Variants in MRC1 observed in about 807,000 individuals in gnomAD.
MRC1 encodes the protein mannose receptor C-type 1.
In MRC1, 62 loss-of-function variants were observed where a neutral mutation model predicts 102.9. That is an observed-to-expected ratio of 0.60 (90% CI 0.49 to 0.74). The LOEUF is 0.74. Ranked by LOEUF, MRC1 falls within the 30% of genes least tolerant of loss-of-function variation. The pLI, the probability that MRC1 is intolerant of heterozygous loss-of-function variation, is 0.00. For synonymous variants in MRC1, 457 were observed against 298.4 expected (o/e 1.53, Z -5.48); for missense variants, 1,237 against 862.8 (o/e 1.43, Z -5.43).
intron 22 of MRC1, among the ~76,000 whole-genome samples, chr10:17,886,177 G>A (rs1246901596): frequency 2.0e-5 from 3 of 152,146 alleles, no homozygotes; most frequent in Admixed American, 1.3e-4. Flanking sequence ...GTGGGATGGG[G>A]TGATTTAATC....
At chr10:17,810,864 C>T (rs1236998246) in intron 1 of MRC1, among the ~76,000 whole-genome samples, 1 of 152,214 alleles carries the variant, frequency 6.6e-6, no homozygotes, top group Non-Finnish European at 1.5e-5. Flanking sequence ...ATGATCTTGG[C>T]TCACTGCAAC....
rs781931651 is a variant in MRC1, at chr10:17,823,118, G to A, written c.106G>A (p.Val36Met). The A allele has an allele frequency of 1.2e-5, 9 of 780,736 alleles. No homozygotes were observed. Among genetic ancestry groups the A allele is most frequent in the East Asian group, 9.7e-5 (4 of 41,272 alleles). 48.4% of individuals were successfully genotyped at this position (780,736 alleles called of 1,614,324 possible). ...LIYNEDHKRC[V>M]DAVSPSAVQT... ...CTATAATGAAGATCACAAGCGCTGC[G>A]TGGATGCAGTGAGTCCCAGTGCCGT... Residue 36 changes from valine to methionine, a missense_variant, in exon 2 of 30, where the codon GTG becomes ATG. Coordinates refer to ENST00000569591, the MANE Select transcript of MRC1 (RefSeq NM_002438.4).
intron 2 of MRC1, among the ~76,000 whole-genome samples, chr10:17,825,314 A>G (rs1838457137): frequency 6.6e-6 from 1 of 152,172 alleles, no homozygotes; most frequent in Admixed American, 6.5e-5. Context: ...TTTGATGGTT[A>G]TTTGGAAGTT....
At chr10:17,811,309 GAC>G (rs1838217297) in intron 1 of MRC1, among the ~76,000 whole-genome samples, 3 of 152,238 alleles carry the variant, frequency 2.0e-5, no homozygotes, top group African/African-American at 7.2e-5. Flanking sequence ...GGGCAGCACA[GAC>G]ACAGTGCCTA....
At chr10:17,851,124 A>G (rs1838909378) in intron 7 of MRC1, among the ~76,000 whole-genome samples, 1 of 152,302 alleles carries the variant, frequency 6.6e-6, no homozygotes, top group East Asian at 1.9e-4. Flanking sequence ...ATGCTCTAGA[A>G]CTGGAGTGCA....
At chr10:17,908,977 A>G (rs1197506711) in intron 28 of MRC1, among the ~76,000 whole-genome samples, 1 of 152,212 alleles carries the variant, frequency 6.6e-6, no homozygotes, top group African/African-American at 2.4e-5. Context: ...TAGATTGGGT[A>G]GGTTTTAAGG....
At chr10:17,846,876 C>A (rs1333380253) in intron 6 of MRC1, among the ~76,000 whole-genome samples, 1 of 152,132 alleles carries the variant, frequency 6.6e-6, no homozygotes, top group Admixed American at 6.5e-5. Flanking sequence ...TTTATTAATA[C>A]AAACAGTCCT....
Position 17,894,064 on chromosome 10 carries a change from A to T in MRC1, c.3148-146A>T. 3 of 678,054 alleles carry T rather than the reference A, an allele frequency of 4.4e-6. No homozygotes were observed. The Admixed American group carries it at 6.5e-5, about 15-fold the overall frequency. The allele number at this position is 678,054 out of a possible 1,614,324, so 42.0% of individuals were successfully genotyped here. On this transcript the variant is annotated intron_variant, in intron 22 of 29. Coordinates refer to ENST00000569591, the MANE Select transcript of MRC1 (RefSeq NM_002438.4). Reference sequence around the variant, plus strand: ...AGTAGGTAGAGTTGGGTAGAAAGTAATGATGGATTGAGCATATCTTAAGTT... The same window carrying T: ...AGTAGGTAGAGTTGGGTAGAAAGTATTGATGGATTGAGCATATCTTAAGTT...
Position 17,907,015 on chromosome 10 carries a change from T to C in MRC1, c.3913+16T>C, listed in dbSNP as rs913924635. The C allele has an allele frequency of 1.8e-4, 139 of 780,458 alleles. 1 individual carries two copies. In the South Asian group the frequency reaches 1.8e-3, roughly 10 times the overall value. The allele number at this position is 780,458 out of a possible 1,614,324, so 48.3% of individuals were successfully genotyped here. A position where few individuals can be genotyped will look rare whatever the true frequency, so the allele number is the denominator to read the frequency against. ...AATGTTGAAGGTAATTTTTGCAGCA[T>C]GCTTATTTAATCACAAATATTGTAA... On this transcript the variant is annotated intron_variant, in intron 27 of 29. Transcript: ENST00000569591.
At chr10:17,877,376 A>G (rs1276605886) in intron 17 of MRC1, among the ~76,000 whole-genome samples, 4 of 149,280 alleles carry the variant, frequency 2.7e-5, no homozygotes, top group African/African-American at 7.3e-5. Flanking sequence ...TATATTATAC[A>G]TATCAATCCT....
intron 29 of MRC1, 79 bp from the exon 30 acceptor site, chr10:17,910,136 T>C: frequency 1.3e-6 from 1 of 771,080 alleles, no homozygotes; most frequent in East Asian, 2.4e-5. Flanking sequence ...CTTTTAGTTT[T>C]TCAACAAGCG....
chr10:17,831,924 A>G (rs1261581712), intron 3 of MRC1, among the ~76,000 whole-genome samples: 1 of 151,734 alleles, frequency 6.6e-6, no homozygotes, highest in Non-Finnish European at 1.5e-5. Context: ...TAAAATAGCA[A>G]AGGAAGAAAT....
Position 17,866,181 on chromosome 10 carries a change from T to C in MRC1, c.1784-381T>C, listed in dbSNP as rs957077812. Among the ~76,000 whole-genome samples the C allele has an allele frequency of 7.2e-3, 1,088 of 152,012 alleles. 7 individuals are homozygous for C. Among genetic ancestry groups the C allele is most frequent in the Non-Finnish European group, 0.012 (782 of 67,978 alleles). Reference sequence around the variant, plus strand: ...TCATTTTGAAATCTGTGAAAAACTTTGGTCCTGGAAAACCTACGTAGACCT... The same window carrying C: ...TCATTTTGAAATCTGTGAAAAACTTCGGTCCTGGAAAACCTACGTAGACCT... On this transcript the variant is annotated intron_variant, in intron 11 of 29. Transcript: ENST00000569591.
chr10:17,852,528 A>T (rs1435178842), intron 7 of MRC1, among the ~76,000 whole-genome samples: 1 of 152,238 alleles, frequency 6.6e-6, no homozygotes, highest in African/African-American at 2.4e-5. Context: ...ATTTGAAAAC[A>T]TTCATCAATT....
At chr10:17,829,182 C>T (rs1325678288) in intron 3 of MRC1, among the ~76,000 whole-genome samples, 5 of 151,564 alleles carry the variant, frequency 3.3e-5, no homozygotes, top group African/African-American at 9.8e-5. Flanking sequence ...AATAGAATCA[C>T]GACTATCACA....
intron 1 of MRC1, among the ~76,000 whole-genome samples, chr10:17,814,886 A>C (rs1220902721): frequency 1.3e-5 from 2 of 151,510 alleles, no homozygotes; most frequent in African/African-American, 4.9e-5. Flanking sequence ...GCTGATCTCG[A>C]ACTCCTGACC....
Position 17,898,022 on chromosome 10 carries a change from GTTT to G in MRC1, c.3251-9_3251-7del, listed in dbSNP as rs1833779005. On this transcript the variant is annotated splice_polypyrimidine_tract_variant and intron_variant, in intron 23 of 29. Transcript: ENST00000569591. ...TATTGATAATGCTAATGAAAATAAT[GTTT>G]TTATCTAGACCCTTCCTTGACTAAT... is the stretch of plus-strand genomic sequence containing the variant. 1 of 780,678 alleles carries G rather than the reference GTTT, an allele frequency of 1.3e-6. No homozygotes were observed. The highest frequency in any genetic ancestry group is 1.7e-5 in the African/African-American group (1 of 59,122). 48.4% of individuals were successfully genotyped at this position (780,678 alleles called of 1,614,324 possible).
intron 4 of MRC1, among the ~76,000 whole-genome samples, chr10:17,838,142 G>A (rs1838697253): frequency 6.6e-6 from 1 of 152,142 alleles, no homozygotes; most frequent in Non-Finnish European, 1.5e-5. Flanking sequence ...ATTCAGCCCT[G>A]TCTTCCATTT....
chr10:17,856,056 G>C (rs989416388), intron 8 of MRC1, among the ~76,000 whole-genome samples, 186 bp from the exon 9 acceptor site: 1 of 151,562 alleles, frequency 6.6e-6, no homozygotes, highest in Non-Finnish European at 1.5e-5. Flanking sequence ...TGTAATCCTA[G>C]CTACTAGGGG....
Sources: gnomAD v4.1 joint callset for allele counts (sites outside exome capture counted in the v4.1 genomes callset) on GRCh38, gnomAD v4.1.1 for gene constraint, MANE v1.5 for transcripts, NCBI Gene and HGNC (gene_info 2026-07-23, HGNC 2026-07-21) for gene names.